CELF2: variants seen among roughly 807,000 people sequenced by gnomAD.
The protein encoded by CELF2 is CUG triplet repeat RNA-binding protein 2.
Under a neutral mutation model 62.6 loss-of-function variants are expected in CELF2, and 8 were observed. The observed-to-expected ratio is 0.13, with a 90% CI of 0.07 to 0.23. The LOEUF (loss-of-function observed/expected upper bound fraction) is 0.23, where lower values mean the gene tolerates loss of function less well. CELF2 is among the 10% of genes least tolerant of loss of function. The pLI is 1.00. For synonymous variants in CELF2, 258 were observed against 250.0 expected, an observed-to-expected ratio of 1.03 and a Z score of -0.30; for missense variants, 333 against 671.0, an observed-to-expected ratio of 0.50 and a Z score of 5.56.
At chr10:11,284,736 G>A (rs1350873049) in intron 8 of CELF2, among the ~76,000 whole-genome samples, 2 of 151,328 alleles carry the variant, frequency 1.3e-5, no homozygotes, top group Admixed American at 6.6e-5. Flanking sequence ...TGGATGGATG[G>A]GTGGGTGGAT....
chr10:11,310,393 TGTGGGTC>T lies in CELF2; in HGVS notation c.977-3745_977-3739del, dbSNP rs371612602. Among the ~76,000 whole-genome samples, 295 of 152,312 alleles carry T rather than the reference TGTGGGTC, an allele frequency of 1.9e-3. 1 individual carries two copies. The highest frequency in any genetic ancestry group is 6.8e-3 in the African/African-American group (283 of 41,574). On this transcript the variant is annotated intron_variant, in intron 9 of 12. Transcript: ENST00000633077. Reference sequence around the variant, plus strand: ...CCAGGGAAGGGAGCAGGTTGTGGGTTGTGGGTCACATGCCACAGATTCTTGCTGCTCT... The same window carrying T: ...CCAGGGAAGGGAGCAGGTTGTGGGTTACATGCCACAGATTCTTGCTGCTCT...
At chr10:11,206,138 AGCTGAGCTGT>A (rs1388090402) in intron 2 of CELF2, among the ~76,000 whole-genome samples, 18 of 152,210 alleles carry the variant, frequency 1.2e-4, no homozygotes, top group Non-Finnish European at 2.1e-4. Context: ...TCAGGAACAG[AGCTGAGCTGT>A]GTTTTATTCA....
At chr10:10,680,447 C>A in the CELF2 span, among the ~76,000 whole-genome samples, 1 of 152,202 alleles carries the variant, frequency 6.6e-6, no homozygotes, top group Non-Finnish European at 1.5e-5. Context: ...AGCGAGGCTT[C>A]TAGTAATCCT....
At chr10:11,320,481 G>A (rs947877332) in intron 10 of CELF2, among the ~76,000 whole-genome samples, 1 of 152,200 alleles carries the variant, frequency 6.6e-6, no homozygotes, top group African/African-American at 2.4e-5. Context: ...CTTTGATACC[G>A]AACGAGTAGC....
At chr10:10,524,635 C>T in the CELF2 span, among the ~76,000 whole-genome samples, 1 of 151,964 alleles carries the variant, frequency 6.6e-6, no homozygotes, top group Non-Finnish European at 1.5e-5. Context: ...ATTTCTCTCT[C>T]CAATACCTTC....
At chr10:10,577,951 G>C in the CELF2 span, among the ~76,000 whole-genome samples, 3 of 152,174 alleles carry the variant, frequency 2.0e-5, no homozygotes, top group African/African-American at 7.2e-5. Context: ...TTCCGCAATG[G>C]TTGAACTAGT....
chr10:10,664,968 G>T, the CELF2 span, among the ~76,000 whole-genome samples: 1 of 152,114 alleles, frequency 6.6e-6, no homozygotes, highest in African/African-American at 2.4e-5. Flanking sequence ...ACAAATGAAG[G>T]CAGTGTGAAG....
the CELF2 span, among the ~76,000 whole-genome samples, chr10:10,750,742 C>G: frequency 6.6e-6 from 1 of 152,182 alleles, no homozygotes; most frequent in South Asian, 2.1e-4. Flanking sequence ...AAATTCTAGC[C>G]CTGGTGATAA....
At chr10:10,585,152 A>G in the CELF2 span, among the ~76,000 whole-genome samples, 1 of 152,182 alleles carries the variant, frequency 6.6e-6, no homozygotes, top group African/African-American at 2.4e-5. Context: ...AGATGCTCCT[A>G]CTAATTCATG....
intron 1 of CELF2, among the ~76,000 whole-genome samples, chr10:10,831,328 G>A (rs894124200): frequency 1.3e-5 from 2 of 152,182 alleles, no homozygotes; most frequent in Non-Finnish European, 2.9e-5. Context: ...TCACACTGAG[G>A]GCAGTCAGGA....
chr10:10,566,430 T>TA, the CELF2 span, among the ~76,000 whole-genome samples: 23 of 148,272 alleles, frequency 1.6e-4, 1 homozygote, highest in South Asian at 1.3e-3. Flanking sequence ...TTTTTTTTTT[T>TA]ATTATACTCT....
At chr10:10,901,988 T>G (rs2062971959) in intron 1 of CELF2, among the ~76,000 whole-genome samples, 1 of 152,182 alleles carries the variant, frequency 6.6e-6, no homozygotes, top group African/African-American at 2.4e-5. Flanking sequence ...ATTCTCAACA[T>G]CATTAGTTAT....
the CELF2 span, among the ~76,000 whole-genome samples, chr10:10,667,452 T>G: frequency 6.6e-6 from 1 of 152,176 alleles, no homozygotes; most frequent in African/African-American, 2.4e-5. Flanking sequence ...AAAGGAGATG[T>G]TTTTTAGCAC....
the CELF2 span, among the ~76,000 whole-genome samples, chr10:10,697,671 C>T: frequency 6.6e-6 from 1 of 152,114 alleles, no homozygotes; most frequent in Admixed American, 6.5e-5. Flanking sequence ...AGGACGCTAG[C>T]TCTCTCAGGT....
At chr10:10,544,012 T>C in the CELF2 span, among the ~76,000 whole-genome samples, 1 of 152,232 alleles carries the variant, frequency 6.6e-6, no homozygotes, top group African/African-American at 2.4e-5. Flanking sequence ...TTGGGGGACC[T>C]GAATCAATTA....
intron 3 of CELF2, among the ~76,000 whole-genome samples, chr10:11,225,649 G>A (rs1257183638): frequency 6.6e-6 from 1 of 152,178 alleles, no homozygotes; most frequent in East Asian, 1.9e-4. Context: ...ACCGGGAAAT[G>A]GAGAAAAGAA....
chr10:11,123,843 T>A (rs569417294), intron 1 of CELF2, among the ~76,000 whole-genome samples: 9 of 152,332 alleles, frequency 5.9e-5, no homozygotes, highest in African/African-American at 2.2e-4. Flanking sequence ...TTTGTTTTTC[T>A]TACAGTCTCT....
In CELF2 at chr10:11,008,409, G is replaced by T. The variant is rs1448193506; in HGVS notation, c.53+2969G>T. ...TCCTTGATTTGTTAAAATGAAACCA[G>T]ACAGTTTTGCTTTTTTTAAAATAGG... is the stretch of plus-strand genomic sequence containing the variant. On this transcript the variant is annotated intron_variant, in intron 1 of 12. Transcript: ENST00000416382. This position sits in a 1 kb window ranked among gnomAD's most constrained non-coding sequence, Gnocchi z 4.5. Among the ~76,000 whole-genome samples the T allele has an allele frequency of 6.6e-6, 1 of 152,180 alleles. No individual in the cohort carries two copies. Among genetic ancestry groups the T allele is most frequent in the African/African-American group, 2.4e-5 (1 of 41,432 alleles).
chr10:10,497,694 G>T, the CELF2 span, among the ~76,000 whole-genome samples: 1 of 152,146 alleles, frequency 6.6e-6, no homozygotes, highest in African/African-American at 2.4e-5. Flanking sequence ...ATGGAGCAGG[G>T]GTCTGCTGGG....
Sources: allele counts gnomAD v4.1 joint callset (sites outside exome capture counted in the v4.1 genomes callset), GRCh38; gene constraint gnomAD v4.1.1; non-coding constraint Gnocchi (gnomAD v3.1); transcripts MANE v1.5; gene names NCBI Gene and HGNC (gene_info 2026-07-23, HGNC 2026-07-21).